Variants in JHY observed in about 807,000 individuals in gnomAD.
JHY encodes the protein jhy protein homolog.
JHY carries 69 observed loss-of-function variants against 78.0 expected under a neutral mutation model. The observed-to-expected ratio is 0.88, with a 90% CI of 0.73 to 1.08. JHY has a LOEUF of 1.08. Ranked by LOEUF, JHY falls within the 50% of genes least tolerant of loss-of-function variation. The pLI is 0.00. For missense variants in JHY, 944 were observed against 927.8 expected, an observed-to-expected ratio of 1.02 and a Z score of -0.23; for synonymous variants, 368 against 342.6, an observed-to-expected ratio of 1.07 and a Z score of -0.82.
intron 1 of JHY, among the ~76,000 whole-genome samples, chr11:122,884,052 G>A (rs974720028): frequency 2.0e-5 from 3 of 152,092 alleles, no homozygotes; most frequent in African/African-American, 7.2e-5. Flanking sequence ...TCCTAAAAAA[G>A]CAACAATTAA....
intron 2 of JHY, among the ~76,000 whole-genome samples, chr11:122,892,047 C>T (rs1862626765): frequency 6.6e-6 from 1 of 152,154 alleles, no homozygotes; most frequent in Non-Finnish European, 1.5e-5. Flanking sequence ...AGTAGATAGA[C>T]ATGAATTATA....
chr11:122,928,960 T>C (rs1863576560), intron 4 of JHY, among the ~76,000 whole-genome samples: 1 of 151,678 alleles, frequency 6.6e-6, no homozygotes, highest in African/African-American at 2.4e-5. Context: ...TTTTTTCTTT[T>C]TAAGGCTGAG....
At chr11:122,907,688 T>G (rs960642063) in intron 3 of JHY, among the ~76,000 whole-genome samples, 1 of 151,838 alleles carries the variant, frequency 6.6e-6, no homozygotes, top group Non-Finnish European at 1.5e-5. Context: ...CTATTAAAAA[T>G]ACGAAATTAG....
rs1863257811 is a variant in JHY at position 122,917,561 on chromosome 11, CTG to C, written c.865-7332_865-7331del. On this transcript the variant is annotated intron_variant, in intron 3 of 8. Coordinates refer to ENST00000227349, the MANE Select transcript of JHY (RefSeq NM_024806.4). The surrounding 1 kb of genome is among the most constrained non-coding windows in gnomAD (Gnocchi z 4.1). ...AAACTCTGGGGTGAGGTCCAGCAAT[CTG>C]TGTTTTAACAGGCCTTCCAAGTGAT... Among the ~76,000 whole-genome samples the C allele has an allele frequency of 6.6e-6, 1 of 152,208 alleles. No individual in the cohort carries two copies. Among genetic ancestry groups the C allele is most frequent in the Non-Finnish European group, 1.5e-5 (1 of 68,046 alleles).
intron 1 of JHY, among the ~76,000 whole-genome samples, chr11:122,884,316 TA>T (rs1383772388): frequency 6.6e-6 from 1 of 152,038 alleles, no homozygotes; most frequent in African/African-American, 2.4e-5. Flanking sequence ...TAAGCAATCC[TA>T]GGAATAGTAA....
At chr11:122,902,487 G>C (rs1186668728) in intron 2 of JHY, among the ~76,000 whole-genome samples, 1 of 151,984 alleles carries the variant, frequency 6.6e-6, no homozygotes, top group African/African-American at 2.4e-5. Context: ...GTATAGTATA[G>C]TGTATTAGCC....
chr11:122,938,976 C>CCTG (rs1474360778), intron 5 of JHY, among the ~76,000 whole-genome samples: 3 of 150,498 alleles, frequency 2.0e-5, no homozygotes, highest in African/African-American at 2.4e-5. Flanking sequence ...TGGAGATCCG[C>CCTG]CTGCTTCTTC....
At chr11:122,928,552 G>GA (rs1425782061) in intron 4 of JHY, among the ~76,000 whole-genome samples, 1 of 117,428 alleles carries the variant, frequency 8.5e-6, no homozygotes, top group Non-Finnish European at 2.0e-5. Flanking sequence ...AAAGATACGG[G>GA]GAAAAAAAAA....
chr11:122,941,006 G>T (rs1418775091), intron 5 of JHY, among the ~76,000 whole-genome samples: 1 of 152,058 alleles, frequency 6.6e-6, no homozygotes, highest in Non-Finnish European at 1.5e-5. Flanking sequence ...CAGTTCCTGG[G>T]TCCTTTTGAT....
chr11:122,887,447 C>T (rs938473709), intron 2 of JHY, among the ~76,000 whole-genome samples: 2 of 152,026 alleles, frequency 1.3e-5, no homozygotes, highest in African/African-American at 2.4e-5. Context: ...CTCAGCCTCC[C>T]GAGTAGCTGG....
At chr11:122,904,971 G>A (rs1862954091) in intron 3 of JHY, among the ~76,000 whole-genome samples, 2 of 151,896 alleles carry the variant, frequency 1.3e-5, no homozygotes, top group Non-Finnish European at 2.9e-5. Context: ...CTCAGATTCT[G>A]TATACATATT....
At chr11:122,953,385 C>A (rs2135380649) in intron 6 of JHY, among the ~76,000 whole-genome samples, 1 of 151,982 alleles carries the variant, frequency 6.6e-6, no homozygotes, top group East Asian at 1.9e-4. Context: ...GGCAGATCAC[C>A]TGAGGTCAGG....
intron 6 of JHY, among the ~76,000 whole-genome samples, chr11:122,952,571 G>A (rs191886918): frequency 4.9e-4 from 74 of 152,236 alleles, no homozygotes; most frequent in African/African-American, 1.7e-3. Flanking sequence ...CCTTCATATC[G>A]AGGTGTAATA....
chr11:122,961,717 C>T lies in JHY; in HGVS notation c.*2272C>T, dbSNP rs753244624. 2.6e-5 allele frequency among the ~76,000 whole-genome samples: 4 copies of T among 152,038 alleles called. No individual in the cohort carries two copies. The highest frequency in any genetic ancestry group is 2.9e-5 in the Non-Finnish European group (2 of 68,000). On this transcript the variant is annotated 3_prime_UTR_variant, in exon 9 of 9. Transcript: ENST00000227349. Reference sequence around the variant, plus strand: ...AATCTTGGTGCCTGACTAAAGATTACCAGGTTATAGTTTAAATTTGTAATT... The same window carrying T: ...AATCTTGGTGCCTGACTAAAGATTATCAGGTTATAGTTTAAATTTGTAATT...
chr11:122,956,616 AG>A, intron 7 of JHY, 40 bp downstream of exon 7: 4 of 1,556,166 alleles, frequency 2.6e-6, no homozygotes, highest in Non-Finnish European at 3.5e-6. Context: ...GACCTGACTC[AG>A]CCCATCTGTC....
chr11:122,905,490 C>A (rs1256646725), intron 3 of JHY: 1 of 1,205,266 alleles, frequency 8.3e-7, no homozygotes, highest in East Asian at 3.6e-5. Flanking sequence ...CCTGTTCTAA[C>A]CTCTAAGCAT....
intron 3 of JHY, among the ~76,000 whole-genome samples, chr11:122,920,898 C>T (rs1164840047): frequency 1.3e-5 from 2 of 152,266 alleles, no homozygotes; most frequent in African/African-American, 4.8e-5. Flanking sequence ...TGATTGCTGT[C>T]TTTGTTGTAT....
chr11:122,946,761 GA>G lies in JHY; in HGVS notation c.1904del (p.Lys635SerfsTer13). ...SEGYLFQLEK[G>X]KKHKKRSSSK... ...GGCTATCTGTTTCAACTGGAAAAGG[GA>G]AAAAAGCATAAGAAAAGAAGCAGCA... On this transcript the variant is annotated frameshift_variant, in exon 6 of 9. Transcript: ENST00000227349. LOFTEE classifies it high-confidence loss of function. 6.2e-7 allele frequency: 1 copy of G among 1,608,908 alleles called. No homozygotes were observed. The highest frequency in any genetic ancestry group is 1.1e-5 in the South Asian group (1 of 89,852).
At chr11:122,938,986 C>CTTTT (rs61703024) in intron 5 of JHY, among the ~76,000 whole-genome samples, 1 of 133,878 alleles carries the variant, frequency 7.5e-6, no homozygotes. Flanking sequence ...CCTGCTTCTT[C>CTTTT]TTTTTTTTTT....
Sources: allele counts gnomAD v4.1 joint callset (sites outside exome capture counted in the v4.1 genomes callset), GRCh38; gene constraint gnomAD v4.1.1; non-coding constraint Gnocchi (gnomAD v3.1); transcripts MANE v1.5; gene names NCBI Gene and HGNC (gene_info 2026-07-23, HGNC 2026-07-21).